The following PLPPR4 variants were observed in gnomAD, a reference collection of about 807,000 sequenced individuals.
PLPPR4 encodes the protein phospholipid phosphatase-related protein type 4.
PLPPR4 carries 24 observed loss-of-function variants against 56.6 expected under a neutral mutation model. The observed-to-expected ratio is 0.42, with a 90% CI of 0.31 to 0.60. PLPPR4 has a LOEUF of 0.60. Ranked by LOEUF, PLPPR4 falls within the 20% of genes least tolerant of loss-of-function variation. The probability of loss-of-function intolerance (pLI) is 0.13; values close to 1 mark genes in which losing one functional copy is unlikely to be tolerated. For synonymous variants in PLPPR4, 326 were observed against 328.1 expected (o/e 0.99, Z 0.07); for missense variants, 654 against 885.8 (o/e 0.74, Z 3.32).
At chr1:99,301,947 T>A in intron 6 of PLPPR4, 50 bp downstream of exon 6, 3 of 1,379,982 alleles carry the variant, frequency 2.2e-6, no homozygotes, top group Middle Eastern at 3.7e-4. Flanking sequence ...ATGGAAAACA[T>A]GCATAGAATA....
chr1:99,304,905 A>C (rs973186269), intron 6 of PLPPR4, among the ~76,000 whole-genome samples: 2 of 152,162 alleles, frequency 1.3e-5, no homozygotes, highest in African/African-American at 4.8e-5. Context: ...AATGATTTTG[A>C]GTCTGAACTT....
At chr1:99,268,826 T>G (rs894308002) in intron 1 of PLPPR4, among the ~76,000 whole-genome samples, 1 of 152,318 alleles carries the variant, frequency 6.6e-6, no homozygotes, top group Middle Eastern at 3.4e-3. Flanking sequence ...AGGTTTATCA[T>G]GCCCTTAAAG....
chr1:99,270,632 C>A (rs1659032758), intron 1 of PLPPR4, among the ~76,000 whole-genome samples: 2 of 152,216 alleles, frequency 1.3e-5, no homozygotes, highest in African/African-American at 2.4e-5. Flanking sequence ...TCTTCTATCT[C>A]ATGATCTATG....
intron 2 of PLPPR4, among the ~76,000 whole-genome samples, chr1:99,290,349 T>C (rs1659585194): frequency 6.6e-6 from 1 of 152,138 alleles, no homozygotes; most frequent in East Asian, 1.9e-4. Context: ...ATCAATATCA[T>C]GAAAATGGCC....
At position 99,309,561 on chromosome 1, in the gene PLPPR4, A is replaced by G. The variant is rs1357090395; in HGVS notation, c.*2551A>G. The stretch of plus-strand genomic sequence containing the variant: ...TATATTGTGCTAAAATCATAGAAAT[A>G]AAGATTAGATTTCTTCATCAAAATT... On this transcript the variant is annotated 3_prime_UTR_variant, in exon 7 of 7. Coordinates refer to ENST00000370185, the MANE Select transcript of PLPPR4 (RefSeq NM_014839.5). 5.9e-5 allele frequency: 9 copies of G among 152,614 alleles called. No homozygotes were observed. The highest frequency in any genetic ancestry group is 5.9e-4 in the Admixed American group (9 of 15,266). 9.5% of individuals were successfully genotyped at this position (152,614 alleles called of 1,614,324 possible). A position where few individuals can be genotyped will look rare whatever the true frequency, so the allele number is the denominator to read the frequency against.
intron 2 of PLPPR4, among the ~76,000 whole-genome samples, chr1:99,295,616 T>A (rs1659721534): frequency 6.6e-6 from 1 of 152,220 alleles, no homozygotes. Context: ...CAACAATCTT[T>A]TAGGCACAAT....
At chr1:99,279,427 C>T (rs575695280) in intron 1 of PLPPR4, among the ~76,000 whole-genome samples, 23 of 152,216 alleles carry the variant, frequency 1.5e-4, no homozygotes, top group South Asian at 1.5e-3. Context: ...TAATTAAATG[C>T]TCTTAAGATA....
At chr1:99,266,321 T>C (rs1427709488) in intron 1 of PLPPR4, among the ~76,000 whole-genome samples, 1 of 152,250 alleles carries the variant, frequency 6.6e-6, no homozygotes, top group Non-Finnish European at 1.5e-5. Context: ...TGAGGTCAGC[T>C]AGAAGCTGAC....
intron 2 of PLPPR4, among the ~76,000 whole-genome samples, chr1:99,293,386 GA>G (rs1659669881): frequency 6.6e-6 from 1 of 151,978 alleles, no homozygotes; most frequent in African/African-American, 2.4e-5. Context: ...CCCTTAAATT[GA>G]AAAATTTATT....
intron 1 of PLPPR4, among the ~76,000 whole-genome samples, chr1:99,267,086 T>C (rs778127341): frequency 2.0e-5 from 3 of 152,250 alleles, no homozygotes; most frequent in Non-Finnish European, 2.9e-5. Flanking sequence ...ATTTTTAGCC[T>C]TCTCTGTTAC....
At chr1:99,267,624 T>C (rs1658935892) in intron 1 of PLPPR4, among the ~76,000 whole-genome samples, 1 of 152,194 alleles carries the variant, frequency 6.6e-6, no homozygotes, top group East Asian at 1.9e-4. Context: ...ATATGTTAGT[T>C]CCTTTCCTTT....
Position 99,306,697 on chromosome 1 carries a change from C to A in PLPPR4, c.1835C>A (p.Thr612Asn). Reference protein sequence around the residue: ...KAPEKGSLRQTYELNDLNRDS... With the variant: ...KAPEKGSLRQNYELNDLNRDS... ...CCTGAAAAGGGCAGCCTTCGCCAAA[C>A]TTACGAGCTCAACGATCTCAACAGG... is the stretch of plus-strand genomic sequence containing the variant. The change falls in exon 7 of 7, where the codon ACT (threonine) becomes AAT (asparagine). Residue 612 changes from threonine to asparagine, a missense_variant. Physicochemically the swap from Thr to Asn is moderately conservative, Grantham distance 65. Transcript: ENST00000370185. This position sits in a 1 kb window ranked among gnomAD's most constrained non-coding sequence, Gnocchi z 4.0. The A allele has an allele frequency of 6.2e-7, 1 of 1,614,124 alleles. No homozygotes were observed. Among genetic ancestry groups the A allele is most frequent in the Non-Finnish European group, 8.5e-7 (1 of 1,180,022 alleles).
chr1:99,267,253 A>G (rs909863073), intron 1 of PLPPR4, among the ~76,000 whole-genome samples: 1 of 152,226 alleles, frequency 6.6e-6, no homozygotes, highest in Non-Finnish European at 1.5e-5. Context: ...GATAGGTATG[A>G]GATGTGAAGA....
chr1:99,265,154 C>G (rs1005046517), intron 1 of PLPPR4, among the ~76,000 whole-genome samples: 8 of 144,364 alleles, frequency 5.5e-5, no homozygotes, highest in South Asian at 2.3e-4. Context: ...GCCCCCCCCC[C>G]CCAAATCCTT....
At chr1:99,297,999 T>A (rs1557781612) in intron 3 of PLPPR4, among the ~76,000 whole-genome samples, 2 of 152,180 alleles carry the variant, frequency 1.3e-5, no homozygotes, top group Non-Finnish European at 2.9e-5. Context: ...TGCATGCTTC[T>A]AGGAATTAGA....
At chr1:99,284,949 A>G (rs1428423388) in intron 1 of PLPPR4, among the ~76,000 whole-genome samples, 1 of 152,174 alleles carries the variant, frequency 6.6e-6, no homozygotes, top group Non-Finnish European at 1.5e-5. Context: ...GATAAAAAAG[A>G]GCAGTGGGTA....
intron 1 of PLPPR4, among the ~76,000 whole-genome samples, chr1:99,278,738 C>T (rs2198772): frequency 0.087 from 13,259 of 152,174 alleles, 1,045 homozygotes; most frequent in African/African-American, 0.2. Flanking sequence ...AAAACAACCA[C>T]TTATCATTAT....
chr1:99,288,718 T>C (rs2100799050), intron 2 of PLPPR4, among the ~76,000 whole-genome samples: 2 of 152,300 alleles, frequency 1.3e-5, no homozygotes, highest in African/African-American at 4.8e-5. Flanking sequence ...AAAGGCATTT[T>C]CATTTTAAAA....
At chr1:99,300,137 C>T (rs907978211) in intron 4 of PLPPR4, among the ~76,000 whole-genome samples, 3 of 151,934 alleles carry the variant, frequency 2.0e-5, no homozygotes, top group Non-Finnish European at 2.9e-5. Context: ...AGTCCTATTA[C>T]ATTAACTTAT....
Sources: allele counts gnomAD v4.1 joint callset (sites outside exome capture counted in the v4.1 genomes callset), GRCh38; gene constraint gnomAD v4.1.1; non-coding constraint Gnocchi (gnomAD v3.1); transcripts MANE v1.5; gene names NCBI Gene and HGNC (gene_info 2026-07-23, HGNC 2026-07-21).